The following ATP10A variants were observed in gnomAD, a reference collection of about 807,000 sequenced individuals.
ATP10A encodes ATPase phospholipid transporting 10A (putative).
ATP10A carries 111 observed loss-of-function variants against 147.8 expected under a neutral mutation model. The observed-to-expected ratio is 0.75, with a 90% confidence interval of 0.64 to 0.88. The LOEUF (loss-of-function observed/expected upper bound fraction) is 0.88. Ranked by LOEUF, ATP10A falls within the 40% of genes least tolerant of loss-of-function variation. The pLI is 0.00. For missense variants in ATP10A, 1,927 were observed against 1,959.0 expected (o/e 0.98, Z 0.31); for synonymous variants, 875 against 841.6 (o/e 1.04, Z -0.69).
At chr15:25,753,780 G>A (rs574222939) in intron 2 of ATP10A, among the ~76,000 whole-genome samples, 71 of 147,824 alleles carry the variant, frequency 4.8e-4, no homozygotes, top group African/African-American at 1.7e-3. Flanking sequence ...TATGATATAT[G>A]TTATATATAT....
chr15:25,740,676 G>A (rs1430420669), intron 2 of ATP10A, among the ~76,000 whole-genome samples: 1 of 152,226 alleles, frequency 6.6e-6, no homozygotes, highest in African/African-American at 2.4e-5. Context: ...GGTCCTCGAA[G>A]GCTCTCAGTG....
chr15:25,693,114 T>A (rs1259122377), intron 14 of ATP10A, among the ~76,000 whole-genome samples: 1 of 152,086 alleles, frequency 6.6e-6, no homozygotes, highest in Non-Finnish European at 1.5e-5. Context: ...CTTGACCTCC[T>A]GGGCTCAGGT....
At position 25,857,689 on chromosome 15, in the gene ATP10A, T is replaced by C. The variant is rs138124209; in HGVS notation, c.449+4959A>G. 5.5e-3 allele frequency among the ~76,000 whole-genome samples: 833 copies of C among 152,294 alleles called. 3 individuals carry two copies. The highest frequency in any genetic ancestry group is 9.4e-3 in the Non-Finnish European group (637 of 68,028). Reference sequence around the variant, plus strand: ...CATGGCAGTTTGTCACATGTGCACATTTCTATGTATGTGAAATTTTCTAGA... The same window carrying C: ...CATGGCAGTTTGTCACATGTGCACACTTCTATGTATGTGAAATTTTCTAGA... On this transcript the variant is annotated intron_variant, in intron 1 of 20. Transcript: ENST00000555815.
chr15:25,737,793 G>A (rs1887369416), intron 2 of ATP10A, among the ~76,000 whole-genome samples: 1 of 152,154 alleles, frequency 6.6e-6, no homozygotes, highest in Non-Finnish European at 1.5e-5. Flanking sequence ...TCATCAGGGT[G>A]GACCCTAATC....
At chr15:25,842,396 T>C (rs1049911252) in intron 1 of ATP10A, among the ~76,000 whole-genome samples, 1 of 152,180 alleles carries the variant, frequency 6.6e-6, no homozygotes. Context: ...CTGCCTGCTT[T>C]TAGTTTCCAG....
At chr15:25,735,048 C>T (rs1315666397) in intron 3 of ATP10A, among the ~76,000 whole-genome samples, 1 of 151,632 alleles carries the variant, frequency 6.6e-6, no homozygotes, top group Non-Finnish European at 1.5e-5. Context: ...GGCAGGCGAG[C>T]CCACTGCCTG....
intron 1 of ATP10A, among the ~76,000 whole-genome samples, chr15:25,787,714 T>C (rs1193023966): frequency 6.6e-6 from 1 of 151,520 alleles, no homozygotes; most frequent in Non-Finnish European, 1.5e-5. Flanking sequence ...GACACAGACA[T>C]GGAGTAACAC....
rs762973230 is a variant in ATP10A at position 25,718,319 on chromosome 15, C to A, written c.1444G>T (p.Gly482Cys). The stretch of plus-strand genomic sequence containing the variant: ...ACACTCTGGTGGCTGCCGATGCTGC[C>A]GCGCTGGGACACCGAGCCCCCTCTG... ...VPRGGSVSQR[G>C]SIGSHQSVRV... Residue 482 changes from glycine (G) to cysteine (C), a missense_variant, in exon 8 of 21, where the codon GGC (glycine) becomes TGC (cysteine). Physicochemically the swap from Gly to Cys is radical, Grantham distance 159. Transcript: ENST00000555815. 5.0e-6 allele frequency: 8 copies of A among 1,611,322 alleles called. No homozygotes were observed. In the East Asian group the frequency reaches 1.8e-4, roughly 36 times the overall value.
At chr15:25,757,512 A>C (rs973124705) in intron 2 of ATP10A, among the ~76,000 whole-genome samples, 1 of 152,182 alleles carries the variant, frequency 6.6e-6, no homozygotes, top group African/African-American at 2.4e-5. Flanking sequence ...AATTCTATCT[A>C]ATTCAAAGGT....
chr15:25,846,132 G>C (rs187729092), intron 1 of ATP10A, among the ~76,000 whole-genome samples: 57 of 152,254 alleles, frequency 3.7e-4, no homozygotes, highest in African/African-American at 1.3e-3. Flanking sequence ...AATGCAGAAC[G>C]GTTGTTGCCA....
intron 1 of ATP10A, among the ~76,000 whole-genome samples, chr15:25,793,216 A>G (rs138559956): frequency 6.7e-4 from 102 of 152,216 alleles, no homozygotes; most frequent in African/African-American, 2.4e-3. Flanking sequence ...GAGGCATCAT[A>G]AATGTTAAGG....
chr15:25,707,382 A>G (rs1286933351), intron 12 of ATP10A, among the ~76,000 whole-genome samples: 1 of 152,210 alleles, frequency 6.6e-6, no homozygotes, highest in Non-Finnish European at 1.5e-5. Context: ...GGACACACAG[A>G]GCATGTATAC....
At chr15:25,849,915 A>G (rs1893206175) in intron 1 of ATP10A, among the ~76,000 whole-genome samples, 1 of 152,214 alleles carries the variant, frequency 6.6e-6, no homozygotes, top group South Asian at 2.1e-4. Context: ...AAAAAGACAC[A>G]CACATCTGAT....
intron 1 of ATP10A, among the ~76,000 whole-genome samples, chr15:25,784,662 C>G (rs569050186): frequency 6.6e-6 from 1 of 152,080 alleles, no homozygotes; most frequent in South Asian, 2.1e-4. Context: ...CAGTGGCTCA[C>G]GCCTGTAATC....
chr15:25,748,930 G>A (rs1262696024), intron 2 of ATP10A, among the ~76,000 whole-genome samples: 3 of 151,556 alleles, frequency 2.0e-5, no homozygotes, highest in Non-Finnish European at 2.9e-5. Flanking sequence ...GGGCGTGGTG[G>A]TGTGTGCCTG....
intron 2 of ATP10A, among the ~76,000 whole-genome samples, chr15:25,764,572 G>A (rs564928277): frequency 5.3e-5 from 8 of 152,146 alleles, no homozygotes; most frequent in East Asian, 1.9e-4. Flanking sequence ...TCTGCAGGCC[G>A]GGAAGAGGGC....
At chr15:25,835,494 T>C (rs189152457) in intron 1 of ATP10A, among the ~76,000 whole-genome samples, 1 of 152,308 alleles carries the variant, frequency 6.6e-6, no homozygotes, top group Non-Finnish European at 1.5e-5. Context: ...CCATAGCTGC[T>C]TTCCTGACTA....
At chr15:25,828,995 A>G (rs1357368653) in intron 1 of ATP10A, among the ~76,000 whole-genome samples, 2 of 152,200 alleles carry the variant, frequency 1.3e-5, no homozygotes, top group African/African-American at 4.8e-5. Flanking sequence ...GCTCCACATC[A>G]TGCATAACGC....
chr15:25,757,032 T>C (rs1888451318), intron 2 of ATP10A, among the ~76,000 whole-genome samples: 2 of 152,218 alleles, frequency 1.3e-5, no homozygotes. Context: ...GAATTCTTCA[T>C]AGTTCAAAAA....
Sources: allele counts gnomAD v4.1 joint callset (sites outside exome capture counted in the v4.1 genomes callset), GRCh38; gene constraint gnomAD v4.1.1; transcripts MANE v1.5; gene names NCBI Gene and HGNC (gene_info 2026-07-23, HGNC 2026-07-21).